CLVS1: variants seen among roughly 807,000 people sequenced by gnomAD.
The protein encoded by CLVS1 is clavesin-1.
Under a neutral mutation model 33.1 loss-of-function variants are expected in CLVS1, and 10 were observed. The observed-to-expected ratio is 0.30, with a 90% CI of 0.19 to 0.51. CLVS1 has a LOEUF of 0.51. Ranked by LOEUF, CLVS1 falls within the 20% of genes least tolerant of loss-of-function variation. The pLI is 0.97. For missense variants in CLVS1, 343 were observed against 433.4 expected, an observed-to-expected ratio of 0.79 and a Z score of 1.85; for synonymous variants, 163 against 166.1, an observed-to-expected ratio of 0.98 and a Z score of 0.14.
the CLVS1 span, among the ~76,000 whole-genome samples, chr8:60,995,960 A>G: frequency 3.9e-5 from 6 of 152,178 alleles, no homozygotes; most frequent in Non-Finnish European, 2.9e-5. Context: ...GGAATTGAAC[A>G]ATGAGATCAC....
intron 2 of CLVS1, among the ~76,000 whole-genome samples, chr8:61,171,075 G>T (rs78115884): frequency 0.034 from 5,211 of 151,742 alleles, 99 homozygotes; most frequent in Middle Eastern, 0.041. Flanking sequence ...CTGCCCAGGT[G>T]TCAGGCCAGG....
At chr8:61,120,481 GT>G (rs2129289589) in intron 1 of CLVS1, among the ~76,000 whole-genome samples, 1 of 121,776 alleles carries the variant, frequency 8.2e-6, no homozygotes, top group South Asian at 3.5e-4. Context: ...TTTCTGTTCT[GT>G]TTTTTCCCCA....
intron 1 of CLVS1, among the ~76,000 whole-genome samples, chr8:61,114,584 T>A (rs73685730): frequency 0.02 from 3,026 of 152,304 alleles, 93 homozygotes; most frequent in African/African-American, 0.064. Flanking sequence ...CTACACTACA[T>A]TTCTTCCCCT....
At chr8:61,139,323 A>G (rs745450123) in intron 2 of CLVS1, among the ~76,000 whole-genome samples, 11 of 152,188 alleles carry the variant, frequency 7.2e-5, no homozygotes, top group Non-Finnish European at 1.6e-4. Context: ...TCCCCCGGGA[A>G]CCCTTTCTGC....
At chr8:61,214,330 T>C (rs1196331952) in intron 2 of CLVS1, among the ~76,000 whole-genome samples, 4 of 152,180 alleles carry the variant, frequency 2.6e-5, no homozygotes, top group Non-Finnish European at 5.9e-5. Flanking sequence ...AACTTGCTGG[T>C]TTTTGCGGCT....
intron 2 of CLVS1, among the ~76,000 whole-genome samples, chr8:61,167,644 T>G (rs1806903211): frequency 6.6e-6 from 1 of 152,144 alleles, no homozygotes. Flanking sequence ...AGGCTGAAAC[T>G]TACTGGGCTG....
chr8:61,339,793 G>GA (rs200743169), intron 2 of CLVS1, among the ~76,000 whole-genome samples: 1,505 of 98,638 alleles, frequency 0.015, 19 homozygotes, highest in African/African-American at 0.046. Flanking sequence ...ACAAGAAAGA[G>GA]AAAAAAGAGA....
chr8:61,189,639 A>G (rs963161718), intron 2 of CLVS1, among the ~76,000 whole-genome samples: 7 of 152,222 alleles, frequency 4.6e-5, no homozygotes, highest in African/African-American at 1.4e-4. Flanking sequence ...TCTCATGTGC[A>G]GAGACACACA....
rs1234222323 is a variant in CLVS1, at chr8:61,273,185, C to G, written c.-151-26492C>G. Among the ~76,000 whole-genome samples the G allele has an allele frequency of 1.1e-3, 159 of 149,568 alleles. No individual in the cohort carries two copies. The East Asian group carries it at 0.013, about 12-fold the overall frequency. ...TGGGTTTTTGGTGTGGATGTCCTTT[C>G]TGTTTGTTAGTTTTCCTTCTAACAG... On this transcript the variant is annotated intron_variant, in intron 2 of 2. Coordinates refer to the CLVS1 transcript ENST00000522621.
intron 5 of CLVS1, among the ~76,000 whole-genome samples, chr8:61,459,474 A>ATATGTTGTC (rs1303583571): frequency 1.3e-5 from 2 of 151,898 alleles, no homozygotes; most frequent in Non-Finnish European, 2.9e-5. Context: ...ACTGCACCAT[A>ATATGTTGTC]TATGTTGTCT....
the CLVS1 span, among the ~76,000 whole-genome samples, chr8:61,029,694 A>G: frequency 2.6e-5 from 4 of 151,988 alleles, no homozygotes; most frequent in Non-Finnish European, 5.9e-5. Context: ...GGTTTGCTGC[A>G]CCCATCAACC....
intron 1 of CLVS1, among the ~76,000 whole-genome samples, chr8:61,124,694 C>T (rs1179521003): frequency 1.3e-5 from 2 of 152,192 alleles, no homozygotes; most frequent in Non-Finnish European, 1.5e-5. Context: ...GATGGCAGTG[C>T]ATCCATCCAC....
intron 2 of CLVS1, among the ~76,000 whole-genome samples, chr8:61,211,111 C>T (rs188056146): frequency 2.2e-4 from 33 of 152,236 alleles, no homozygotes; most frequent in African/African-American, 5.3e-4. Context: ...AAGACCAGAA[C>T]GTGGCCAATG....
intron 2 of CLVS1, among the ~76,000 whole-genome samples, chr8:61,142,719 A>C (rs1806330648): frequency 6.6e-6 from 1 of 152,156 alleles, no homozygotes; most frequent in South Asian, 2.1e-4. Flanking sequence ...TGTCAACTTT[A>C]ATTTATGAGA....
chr8:61,059,632 A>G (rs916647072), intron 1 of CLVS1, among the ~76,000 whole-genome samples: 1 of 151,158 alleles, frequency 6.6e-6, no homozygotes, highest in African/African-American at 2.4e-5. Context: ...CAATGTGGTG[A>G]AACCCCATGT....
In CLVS1 at chr8:61,345,638, A is replaced by ATGTGTGTGTG. The variant is rs1004446368; in HGVS notation, c.456-30943_456-30934dup. Among the ~76,000 whole-genome samples the ATGTGTGTGTG allele has an allele frequency of 3.9e-3, 513 of 130,468 alleles. 5 individuals carry two copies. Among genetic ancestry groups the ATGTGTGTGTG allele is most frequent in the African/African-American group, 0.015 (482 of 31,118 alleles). The allele number at this position is 130,468 out of a possible 152,430, so 85.6% of individuals were successfully genotyped here. The stretch of plus-strand genomic sequence containing the variant: ...CCTCTAGGGGTGTGTGTGTGTGTGT[A>ATGTGTGTGTG]TGTGTGTGTGTGTGTGTGTGTGTGT... On this transcript the variant is annotated intron_variant, in intron 2 of 5. Transcript: ENST00000325897.
chr8:61,141,031 C>G (rs1806298948), intron 2 of CLVS1, among the ~76,000 whole-genome samples: 1 of 152,288 alleles, frequency 6.6e-6, no homozygotes, highest in South Asian at 2.1e-4. Flanking sequence ...GTCTGAAACA[C>G]AGCTCTGCCT....
At chr8:61,134,753 C>A (rs1446217164) in intron 2 of CLVS1, among the ~76,000 whole-genome samples, 8 of 152,190 alleles carry the variant, frequency 5.3e-5, no homozygotes, top group African/African-American at 1.9e-4. Context: ...TGAGCCCACC[C>A]AGGTAATCCA....
intron 1 of CLVS1, among the ~76,000 whole-genome samples, chr8:61,108,025 T>C (rs1805567980): frequency 1.3e-5 from 2 of 151,986 alleles, no homozygotes; most frequent in African/African-American, 4.8e-5. Context: ...CCCAGCACTT[T>C]GGGAGGTCGA....
Sources: allele counts gnomAD v4.1 joint callset (sites outside exome capture counted in the v4.1 genomes callset), GRCh38; gene constraint gnomAD v4.1.1; transcripts MANE v1.5; gene names NCBI Gene and HGNC (gene_info 2026-07-23, HGNC 2026-07-21).